The following ZFYVE28 variants were observed in gnomAD, a reference collection of about 807,000 sequenced individuals.
The protein encoded by ZFYVE28 is lateral signaling target protein 2 homolog.
Under a neutral mutation model 82.1 loss-of-function variants are expected in ZFYVE28, and 40 were observed. That is an observed-to-expected ratio of 0.49 (90% CI 0.38 to 0.63). ZFYVE28 has a LOEUF of 0.63. Among genes scored for constraint, ZFYVE28 ranks in the 30% least tolerant of loss-of-function variants. The pLI, the probability that ZFYVE28 is intolerant of heterozygous loss-of-function variation, is 0.00. For synonymous variants in ZFYVE28, 612 were observed against 546.1 expected (o/e 1.12, Z -1.68); for missense variants, 1,321 against 1,242.1 (o/e 1.06, Z -0.96).
rs1362619266 is a variant in ZFYVE28 at position 2,417,213 on chromosome 4, G to A, written c.39+1072C>T. Among the ~76,000 whole-genome samples, 2 of 152,142 alleles carry A rather than the reference G, an allele frequency of 1.3e-5. No individual in the cohort carries two copies. Among genetic ancestry groups the A allele is most frequent in the Non-Finnish European group, 2.9e-5 (2 of 67,998 alleles). On this transcript the variant is annotated intron_variant, in intron 1 of 12. Transcript: ENST00000290974. This position sits in a 1 kb window ranked among gnomAD's most constrained non-coding sequence, Gnocchi z 4.8. ...TCGCCGCGGTGACCCCACCCGAGCC[G>A]TGACCTCCCCCAAGATCTCAGGGCC...
chr4:2,369,839 T>TTTTATTTTATTTA lies in ZFYVE28; in HGVS notation c.40-15767_40-15766insTAAATAAAATAAA, dbSNP rs561534155. ...CAGAACTTTGAAAGAAGGGATTTTT[T>TTTTATTTTATTTA]TTTTTCTTTTCTTTTTTTTTTTTTT... On this transcript the variant is annotated intron_variant, in intron 1 of 12. Coordinates refer to ENST00000290974, the MANE Select transcript of ZFYVE28 (RefSeq NM_020972.3). Among the ~76,000 whole-genome samples the TTTTATTTTATTTA allele has an allele frequency of 4.3e-5, 6 of 139,606 alleles. No individual in the cohort carries two copies. The East Asian group carries it at 8.4e-4, about 19-fold the overall frequency. 91.6% of individuals were successfully genotyped at this position (139,606 alleles called of 152,430 possible).
At chr4:2,309,194 T>C (rs1245862741) in intron 7 of ZFYVE28, among the ~76,000 whole-genome samples, 2 of 152,112 alleles carry the variant, frequency 1.3e-5, no homozygotes, top group Non-Finnish European at 2.9e-5. Context: ...TGAAGTGAGG[T>C]TGCCTCTTGT....
intron 1 of ZFYVE28, among the ~76,000 whole-genome samples, chr4:2,384,633 C>G (rs1228288318): frequency 6.6e-6 from 1 of 152,160 alleles, no homozygotes; most frequent in Non-Finnish European, 1.5e-5. Flanking sequence ...CCCCTCAGGG[C>G]CCGGTGGGAA....
rs998273415 is a variant in ZFYVE28, at chr4:2,332,553, A to G, written c.701+3152T>C. On this transcript the variant is annotated intron_variant, in intron 6 of 12. Transcript: ENST00000290974. This position sits in a 1 kb window ranked among gnomAD's most constrained non-coding sequence, Gnocchi z 4.7. ...GCACTGTGGGTCAGCCCATCTGTCC[A>G]TCTCCCTGGTACAAGCACAGGGCGA... Among the ~76,000 whole-genome samples the G allele has an allele frequency of 3.9e-5, 6 of 152,084 alleles. No homozygotes were observed. The highest frequency in any genetic ancestry group is 8.8e-5 in the Non-Finnish European group (6 of 68,000).
intron 8 of ZFYVE28, among the ~76,000 whole-genome samples, chr4:2,276,920 C>A (rs1418346768): frequency 1.3e-5 from 2 of 151,882 alleles, no homozygotes; most frequent in Admixed American, 6.6e-5. Flanking sequence ...TGTTCAATGC[C>A]ACGAAATTGT....
chr4:2,318,603 TGGG>T (rs1718585625), intron 7 of ZFYVE28, among the ~76,000 whole-genome samples: 1 of 152,134 alleles, frequency 6.6e-6, no homozygotes, highest in Non-Finnish European at 1.5e-5. Context: ...CTGTTTTCCC[TGGG>T]TGGGCGGGGG....
chr4:2,354,080 G>C lies in ZFYVE28; in HGVS notation c.40-7C>G. The C allele has an allele frequency of 6.5e-7, 1 of 1,536,706 alleles. No homozygotes were observed. Among genetic ancestry groups the C allele is most frequent in the Non-Finnish European group, 8.8e-7 (1 of 1,140,998 alleles). ...GCAGCTGCGGATCCGACCTCTGCAG[G>C]AGAGAGGGGCCAGGGCCATGAGTGG... On this transcript the variant is annotated splice_polypyrimidine_tract_variant and splice_region_variant and intron_variant, in intron 1 of 12. Coordinates refer to ENST00000290974, the MANE Select transcript of ZFYVE28 (RefSeq NM_020972.3).
In ZFYVE28 at chr4:2,304,645, C is replaced by G; in HGVS notation, c.1695G>C (p.Val565=). The change falls in exon 8 of 13, where the codon GTG becomes GTC. Residue 565 remains valine, a synonymous_variant. Transcript: ENST00000290974. ...TGCTGTCCCCGCAGCTCCCACAGCA[C>G]ACGCAGGAATGCAGAAGGCAGTTGG... ...GATNCLLHSC[V]CCGSCGDSRE... 1 of 1,612,670 alleles carries G rather than the reference C, an allele frequency of 6.2e-7. No individual in the cohort carries two copies. The highest frequency in any genetic ancestry group is 8.5e-7 in the Non-Finnish European group (1 of 1,179,902).
chr4:2,405,188 G>A (rs1040192912), intron 1 of ZFYVE28, among the ~76,000 whole-genome samples: 7 of 152,298 alleles, frequency 4.6e-5, no homozygotes, highest in Middle Eastern at 3.4e-3. Flanking sequence ...GGACAAAGCG[G>A]TGCTGGGCCT....
In ZFYVE28 at chr4:2,390,981, T is replaced by A. The variant is rs139463700; in HGVS notation, c.39+27304A>T. Among the ~76,000 whole-genome samples, 687 of 152,328 alleles carry A rather than the reference T, an allele frequency of 4.5e-3. 7 individuals are homozygous for A. The highest frequency in any genetic ancestry group is 0.015 in the African/African-American group (618 of 41,570). ...TCCTCTGGCTGCCAAGCTTCACAGC[T>A]GAAAGTCATTTCATAGAAGACAGCA... On this transcript the variant is annotated intron_variant, in intron 1 of 12. Transcript: ENST00000290974.
rs1736176866 is a variant in ZFYVE28 at position 2,274,120 on chromosome 4, G to T, written c.2148C>A (p.Ile716=). Reference sequence around the variant, plus strand: ...CGTGGCTGCCGTGGAACCTGGACCGGATCTTCTCTCTTGTGGCCTGTGGGG... The same window carrying T: ...CGTGGCTGCCGTGGAACCTGGACCGTATCTTCTCTCTTGTGGCCTGTGGGG... The part of the protein sequence containing the change: ...HAAPQATREK[I]RSRFHGSHDL... Residue 716 remains isoleucine, a synonymous_variant, in exon 9 of 13, where the codon ATC becomes ATA. Coordinates refer to ENST00000290974, the MANE Select transcript of ZFYVE28 (RefSeq NM_020972.3). 6.2e-7 allele frequency: 1 copy of T among 1,613,534 alleles called. No homozygotes were observed. Among genetic ancestry groups the T allele is most frequent in the East Asian group, 2.2e-5 (1 of 44,900 alleles).
chr4:2,397,645 G>A (rs764745343), intron 1 of ZFYVE28, among the ~76,000 whole-genome samples: 4 of 152,064 alleles, frequency 2.6e-5, no homozygotes, highest in Non-Finnish European at 5.9e-5. Flanking sequence ...CATGCCTCTA[G>A]GGACCTCACG....
Position 2,362,510 on chromosome 4 carries a change from C to G in ZFYVE28, c.40-8437G>C, listed in dbSNP as rs1257516229. Among the ~76,000 whole-genome samples, 1 of 151,722 alleles carries G rather than the reference C, an allele frequency of 6.6e-6. No individual in the cohort carries two copies. Among genetic ancestry groups the G allele is most frequent in the East Asian group, 1.9e-4 (1 of 5,174 alleles). ...GCTGCCAATCACAGGCCCAGCCCCT[C>G]CTGCACATGCCCAACCCCTCCTGTC... On this transcript the variant is annotated intron_variant, in intron 1 of 12. Transcript: ENST00000290974. This position sits in a 1 kb window ranked among gnomAD's most constrained non-coding sequence, Gnocchi z 5.1.
At chr4:2,299,379 C>T (rs988299326) in intron 8 of ZFYVE28, among the ~76,000 whole-genome samples, 36 of 151,794 alleles carry the variant, frequency 2.4e-4, no homozygotes, top group Admixed American at 2.4e-3. Flanking sequence ...TTCTGGAAAG[C>T]AGTTTGACAG....
chr4:2,331,112 A>C, intron 6 of ZFYVE28: 2 of 21,038 alleles, frequency 9.5e-5, no homozygotes, highest in Non-Finnish European at 1.7e-4. Flanking sequence ...GGAGGGAGGG[A>C]GGGGTAGATT....
chr4:2,284,024 C>T (rs1299960493), intron 8 of ZFYVE28, among the ~76,000 whole-genome samples: 2 of 152,186 alleles, frequency 1.3e-5, no homozygotes, highest in Non-Finnish European at 2.9e-5. Flanking sequence ...CCACAGAACG[C>T]AATTCCCTGT....
At position 2,304,308 on chromosome 4, in the gene ZFYVE28, G is replaced by C. The variant is rs776516727; in HGVS notation, c.2032C>G (p.Gln678Glu). ...TCTTACCTGGAGCCCGACAGGGCCT[G>C]AGGCGCCTCGTGAGCCGAGGGGCTC... ...AGSPSAHEAP[Q>E]ALSGSSSSTA... is the part of the protein sequence containing the mutation. Residue 678 changes from glutamine to glutamate, a missense_variant, in exon 8 of 13, where the codon CAG becomes GAG. By Grantham distance (29) the Gln-to-Glu change is conservative (BLOSUM62 2). Transcript: ENST00000290974. 5 of 1,592,658 alleles carry C rather than the reference G, an allele frequency of 3.1e-6. No homozygotes were observed. Among genetic ancestry groups the C allele is most frequent in the Admixed American group, 1.7e-5 (1 of 58,454 alleles).
chr4:2,348,637 TCAATGTATG>T (rs1332403026), intron 2 of ZFYVE28, among the ~76,000 whole-genome samples: 3 of 152,184 alleles, frequency 2.0e-5, no homozygotes, highest in Non-Finnish European at 4.4e-5. Context: ...CAAAAATCAA[TCAATGTATG>T]CTTATGCTCT....
intron 6 of ZFYVE28, among the ~76,000 whole-genome samples, chr4:2,331,449 C>T (rs984165402): frequency 2.0e-5 from 3 of 151,456 alleles, no homozygotes; most frequent in Non-Finnish European, 2.9e-5. Flanking sequence ...CGAGACCAGC[C>T]TGGACAACAC....
Sources: allele counts gnomAD v4.1 joint callset (sites outside exome capture counted in the v4.1 genomes callset), GRCh38; gene constraint gnomAD v4.1.1; non-coding constraint Gnocchi (gnomAD v3.1); transcripts MANE v1.5; gene names NCBI Gene and HGNC (gene_info 2026-07-23, HGNC 2026-07-21).